HTR1F: variants seen among roughly 807,000 people sequenced by gnomAD.
HTR1F encodes 5-hydroxytryptamine (serotonin) receptor 1F, G protein-coupled.
HTR1F carries 17 observed loss-of-function variants against 24.0 expected under a neutral mutation model. The observed-to-expected ratio is 0.71, with a 90% CI of 0.48 to 1.06. The LOEUF is 1.06. Ranked by LOEUF, HTR1F falls within the 50% of genes least tolerant of loss-of-function variation. The pLI is 0.00. For synonymous variants in HTR1F, 186 were observed against 156.8 expected (o/e 1.19, Z -1.39); for missense variants, 391 against 427.8 (o/e 0.91, Z 0.76).
Position 87,990,946 on chromosome 3 carries a change from C to T in HTR1F, c.197C>T (p.Ala66Val). 1 of 1,614,116 alleles carries T rather than the reference C, an allele frequency of 6.2e-7. No individual in the cohort carries two copies. The highest frequency in any genetic ancestry group is 8.5e-7 in the Non-Finnish European group (1 of 1,179,992). ...GCCAATTATTTAATTTGTTCCCTTG[C>T]AGTCACAGATTTTCTTGTGGCTGTC... The part of the protein sequence containing the change: ...HPANYLICSL[A>V]VTDFLVAVLV... The change falls in exon 3 of 3, where the codon GCA (alanine) becomes GTA (valine). Residue 66 changes from alanine (A) to valine (V), a missense_variant. Transcript: ENST00000319595.
intron 2 of HTR1F, among the ~76,000 whole-genome samples, chr3:87,851,135 C>A (rs1244098969): frequency 6.6e-6 from 1 of 151,638 alleles, no homozygotes; most frequent in Non-Finnish European, 1.5e-5. Context: ...CCACATTTTT[C>A]TTCTGGGTGC....
intron 2 of HTR1F, among the ~76,000 whole-genome samples, chr3:87,961,599 C>T (rs1705061581): frequency 6.6e-6 from 1 of 151,826 alleles, no homozygotes; most frequent in Admixed American, 6.6e-5. Flanking sequence ...CATCTCTATT[C>T]TAAATGAATG....
chr3:87,861,737 G>T (rs1705322949), intron 2 of HTR1F, among the ~76,000 whole-genome samples: 1 of 151,926 alleles, frequency 6.6e-6, no homozygotes, highest in Non-Finnish European at 1.5e-5. Flanking sequence ...CCTTCCCATA[G>T]CTCTTCTACT....
chr3:87,845,681 G>A (rs999469055), intron 2 of HTR1F, among the ~76,000 whole-genome samples: 1 of 151,604 alleles, frequency 6.6e-6, no homozygotes, highest in Non-Finnish European at 1.5e-5. Flanking sequence ...CAGATTCAAT[G>A]CCATCCCCAT....
At chr3:87,850,460 G>A (rs1264575416) in intron 2 of HTR1F, among the ~76,000 whole-genome samples, 2 of 151,800 alleles carry the variant, frequency 1.3e-5, no homozygotes, top group Admixed American at 1.3e-4. Context: ...GCCTGTTGTG[G>A]GGTGGGGGGA....
chr3:87,810,106 T>C (rs188369276), intron 1 of HTR1F, among the ~76,000 whole-genome samples: 1 of 152,258 alleles, frequency 6.6e-6, no homozygotes, highest in East Asian at 1.9e-4. Context: ...GTCTTTTTTA[T>C]TGACAAATAA....
At position 87,862,704 on chromosome 3, in the gene HTR1F, A is replaced by G. The variant is rs539841250; in HGVS notation, c.-43+40580A>G. Reference sequence around the variant, plus strand: ...CGCTGTCTCTAATGAAAAGTCTGCAATCATTGAAATTGTGTGTTCTTCTAT... The same window carrying G: ...CGCTGTCTCTAATGAAAAGTCTGCAGTCATTGAAATTGTGTGTTCTTCTAT... On this transcript the variant is annotated intron_variant, in intron 2 of 2. Coordinates refer to ENST00000319595, the MANE Select transcript of HTR1F (RefSeq NM_001322209.2). 9.9e-5 allele frequency among the ~76,000 whole-genome samples: 15 copies of G among 152,268 alleles called. No individual in the cohort carries two copies. The East Asian group carries it at 1.5e-3, about 16-fold the overall frequency.
intron 1 of HTR1F, among the ~76,000 whole-genome samples, chr3:87,814,215 G>A (rs1704209513): frequency 6.6e-6 from 1 of 151,902 alleles, no homozygotes; most frequent in African/African-American, 2.4e-5. Context: ...TCATAACCTA[G>A]TGTATGATTT....
Position 87,970,329 on chromosome 3 carries a change from C to A in HTR1F, c.-42-20379C>A, listed in dbSNP as rs113512576. Among the ~76,000 whole-genome samples the A allele has an allele frequency of 3.7e-3, 569 of 152,258 alleles. 4 individuals carry two copies. Among genetic ancestry groups the A allele is most frequent in the African/African-American group, 0.013 (534 of 41,550 alleles). ...TTAAAACACATTGATGAGTTTCATT[C>A]CCAAAGTTTCTGATTCAGTATCAAG... On this transcript the variant is annotated intron_variant, in intron 2 of 2. Coordinates refer to ENST00000319595, the MANE Select transcript of HTR1F (RefSeq NM_001322209.2).
intron 2 of HTR1F, among the ~76,000 whole-genome samples, chr3:87,844,055 G>T (rs1330365781): frequency 2.0e-5 from 3 of 148,888 alleles, no homozygotes; most frequent in Non-Finnish European, 4.5e-5. Context: ...TAATGGGATG[G>T]CTGGGTCAAA....
intron 1 of HTR1F, among the ~76,000 whole-genome samples, chr3:87,811,943 T>C (rs1373187882): frequency 2.6e-5 from 4 of 152,148 alleles, no homozygotes; most frequent in Non-Finnish European, 4.4e-5. Flanking sequence ...GATGGCTTTA[T>C]AAGTATTTGA....
intron 2 of HTR1F, among the ~76,000 whole-genome samples, chr3:87,851,709 T>C (rs555152548): frequency 1.3e-4 from 20 of 151,762 alleles, no homozygotes; most frequent in Non-Finnish European, 2.4e-4. Flanking sequence ...TCTATCCTAA[T>C]GAATTGATGC....
chr3:87,805,495 A>G (rs1287970825), intron 1 of HTR1F, among the ~76,000 whole-genome samples: 2 of 151,620 alleles, frequency 1.3e-5, no homozygotes, highest in African/African-American at 4.8e-5. Flanking sequence ...TCTTTTTTTT[A>G]TTTTAAAATT....
chr3:87,865,486 C>T (rs1489036657), intron 2 of HTR1F, among the ~76,000 whole-genome samples: 3 of 143,140 alleles, frequency 2.1e-5, no homozygotes, highest in South Asian at 4.2e-4. Context: ...ACCCTCTTCC[C>T]TAAAGCTAAT....
chr3:87,941,196 T>C (rs1217579706), intron 2 of HTR1F, among the ~76,000 whole-genome samples: 1 of 152,226 alleles, frequency 6.6e-6, no homozygotes, highest in East Asian at 1.9e-4. Flanking sequence ...TCTTACTAAA[T>C]GGGTATTGGC....
intron 2 of HTR1F, among the ~76,000 whole-genome samples, chr3:87,846,291 A>G (rs1704940352): frequency 6.6e-6 from 1 of 151,798 alleles, no homozygotes; most frequent in African/African-American, 2.4e-5. Context: ...AAAATTAGCC[A>G]GGTGTGATGG....
At chr3:87,883,263 G>A (rs1420698071) in intron 2 of HTR1F, among the ~76,000 whole-genome samples, 2 of 152,104 alleles carry the variant, frequency 1.3e-5, no homozygotes, top group Non-Finnish European at 2.9e-5. Context: ...CAAACAGAAA[G>A]GAATAGCATC....
chr3:87,971,891 G>A (rs1705293382), intron 2 of HTR1F, among the ~76,000 whole-genome samples: 1 of 152,112 alleles, frequency 6.6e-6, no homozygotes, highest in South Asian at 2.1e-4. Flanking sequence ...TACTTCTACT[G>A]ATATACATAT....
At chr3:87,832,652 G>C (rs1442315255) in intron 2 of HTR1F, among the ~76,000 whole-genome samples, 1 of 152,116 alleles carries the variant, frequency 6.6e-6, no homozygotes, top group East Asian at 1.9e-4. Context: ...TGTAAGAATT[G>C]TTCATCAGAG....
Sources: allele counts gnomAD v4.1 joint callset (sites outside exome capture counted in the v4.1 genomes callset), GRCh38; gene constraint gnomAD v4.1.1; transcripts MANE v1.5; gene names NCBI Gene and HGNC (gene_info 2026-07-23, HGNC 2026-07-21).